Variants in IL1RAP observed in about 807,000 individuals in gnomAD.
IL1RAP encodes the protein interleukin 1 receptor accessory protein.
Under a neutral mutation model 60.7 loss-of-function variants are expected in IL1RAP, and 35 were observed. The ratio of observed to expected loss-of-function variants is 0.58; its 90% confidence interval spans 0.44 to 0.76. The LOEUF (loss-of-function observed/expected upper bound fraction) is 0.76. IL1RAP is among the 30% of genes least tolerant of loss of function. The probability of loss-of-function intolerance (pLI) is 0.00; values close to 1 mark genes in which losing one functional copy is unlikely to be tolerated. For missense variants in IL1RAP, 572 were observed against 693.9 expected (o/e 0.82, Z 1.97); for synonymous variants, 268 against 250.9 (o/e 1.07, Z -0.64).
intron 3 of IL1RAP, among the ~76,000 whole-genome samples, chr3:190,599,211 C>T (rs1472016399): frequency 6.6e-6 from 1 of 152,120 alleles, no homozygotes. Flanking sequence ...GAATTAGAAT[C>T]CCTATTCCCA....
At chr3:190,583,601 C>T (rs535964428) in intron 3 of IL1RAP, among the ~76,000 whole-genome samples, 4 of 152,268 alleles carry the variant, frequency 2.6e-5, no homozygotes, top group Admixed American at 6.5e-5. Context: ...ATAACAGTTA[C>T]GCAAGGTACG....
intron 3 of IL1RAP, among the ~76,000 whole-genome samples, chr3:190,568,897 G>A (rs1013335691): frequency 1.3e-5 from 2 of 152,202 alleles, no homozygotes; most frequent in Non-Finnish European, 2.9e-5. Flanking sequence ...TTAGTAAGAG[G>A]AATTTCTTAT....
Position 190,648,785 on chromosome 3 carries a change from G to T in IL1RAP, c.*80G>T. ...CCCCCAGTCTTCATTCGCAGTTTAT[G>T]GTTTCATAGGCAAAAATAATGGTCT... On this transcript the variant is annotated 3_prime_UTR_variant, in exon 12 of 12. Transcript: ENST00000447382. 1 of 1,499,628 alleles carries T rather than the reference G, an allele frequency of 6.7e-7. No homozygotes were observed. The highest frequency in any genetic ancestry group is 8.9e-7 in the Non-Finnish European group (1 of 1,126,902). 92.9% of individuals were successfully genotyped at this position (1,499,628 alleles called of 1,614,324 possible). A position where few individuals can be genotyped will look rare whatever the true frequency, so the allele number is the denominator to read the frequency against.
chr3:190,559,457 G>A (rs1725701867), intron 2 of IL1RAP, among the ~76,000 whole-genome samples: 1 of 151,978 alleles, frequency 6.6e-6, no homozygotes, highest in Admixed American at 6.6e-5. Flanking sequence ...GTTTCTTAAA[G>A]TGGAAGATTA....
chr3:190,627,215 T>A, intron 7 of IL1RAP, 108 bp from the exon 8 acceptor site: 1 of 853,436 alleles, frequency 1.2e-6, no homozygotes, highest in Non-Finnish European at 1.8e-6. Context: ...AATATAGCCA[T>A]GTGAAGGATA....
intron 3 of IL1RAP, among the ~76,000 whole-genome samples, chr3:190,575,497 G>A (rs1307292150): frequency 1.3e-5 from 2 of 152,166 alleles, no homozygotes; most frequent in Non-Finnish European, 2.9e-5. Context: ...CCATAGTTAA[G>A]GAAAATCTAT....
At chr3:190,657,544 A>G (rs936752643) in exon 12 of IL1RAP, 1 of 152,282 alleles carries the variant, frequency 6.6e-6, no homozygotes, top group African/African-American at 2.4e-5. Context: ...AGTGCCTACA[A>G]GGATCAGAAG....
downstream of IL1RAP, among the ~76,000 whole-genome samples, chr3:190,653,637 G>A (rs534731272): frequency 1.3e-5 from 2 of 152,050 alleles, no homozygotes; most frequent in South Asian, 4.2e-4. Flanking sequence ...ACAGGCAAGA[G>A]TATTCTTGAG....
At chr3:190,619,987 T>C (rs1731633084) in intron 5 of IL1RAP, among the ~76,000 whole-genome samples, 2 of 152,204 alleles carry the variant, frequency 1.3e-5, no homozygotes, top group African/African-American at 4.8e-5. Context: ...TTTGCTTTAC[T>C]ATCAACATAG....
intron 3 of IL1RAP, among the ~76,000 whole-genome samples, chr3:190,594,644 T>C (rs7652346): frequency 0.74 from 112,825 of 152,054 alleles, 42,042 homozygotes; most frequent in East Asian, 0.84. Context: ...ACTTTTAAAC[T>C]GAGTGGCTAT....
downstream of IL1RAP, chr3:190,656,294 A>C: frequency 6.5e-7 from 1 of 1,537,276 alleles, no homozygotes; most frequent in Non-Finnish European, 8.7e-7. Context: ...CCAGAACTTC[A>C]GAGCTCAGAG....
At chr3:190,533,161 G>C (rs190398195) in intron 1 of IL1RAP, among the ~76,000 whole-genome samples, 2 of 152,150 alleles carry the variant, frequency 1.3e-5, no homozygotes, top group East Asian at 3.9e-4. Flanking sequence ...AACATGGCTC[G>C]AAAGACTTCA....
At chr3:190,607,339 T>C (rs1730420727) in intron 4 of IL1RAP, among the ~76,000 whole-genome samples, 1 of 152,188 alleles carries the variant, frequency 6.6e-6, no homozygotes, top group Non-Finnish European at 1.5e-5. Flanking sequence ...TTTCCTATAT[T>C]TAGACACAAG....
At chr3:190,561,573 G>C (rs960045257) in intron 2 of IL1RAP, among the ~76,000 whole-genome samples, 8 of 152,152 alleles carry the variant, frequency 5.3e-5, no homozygotes, top group Admixed American at 1.3e-4. Context: ...TAGGAATTCA[G>C]CAGCTTATAA....
intron 4 of IL1RAP, among the ~76,000 whole-genome samples, chr3:190,608,194 C>A (rs1488361028): frequency 6.6e-6 from 1 of 152,094 alleles, no homozygotes; most frequent in East Asian, 1.9e-4. Context: ...CATTGTATGA[C>A]CATCATAGAG....
chr3:190,577,477 CG>C (rs1205822743), intron 3 of IL1RAP, among the ~76,000 whole-genome samples: 1 of 152,154 alleles, frequency 6.6e-6, no homozygotes, highest in Non-Finnish European at 1.5e-5. Context: ...CATCAACCCC[CG>C]GCTGTTTACC....
intron 9 of IL1RAP, chr3:190,629,924 C>T: frequency 1.3e-5 from 12 of 957,418 alleles, no homozygotes; most frequent in Non-Finnish European, 1.5e-5. Context: ...ATCATCTGAC[C>T]TAAGACTTTC....
downstream of IL1RAP, chr3:190,656,363 C>T: frequency 6.5e-7 from 1 of 1,537,212 alleles, no homozygotes; most frequent in Non-Finnish European, 8.7e-7. Context: ...GGGAAGTCCT[C>T]CGCCACCTGC....
intron 3 of IL1RAP, among the ~76,000 whole-genome samples, chr3:190,576,383 T>TACACACACAC (rs34872356): frequency 2.0e-5 from 3 of 151,408 alleles, no homozygotes; most frequent in African/African-American, 7.3e-5. Context: ...TATATATATA[T>TACACACACAC]ACACACACAC....
Sources: gnomAD v4.1 joint callset for allele counts (sites outside exome capture counted in the v4.1 genomes callset) on GRCh38, gnomAD v4.1.1 for gene constraint, MANE v1.5 for transcripts, NCBI Gene and HGNC (gene_info 2026-07-23, HGNC 2026-07-21) for gene names.